MAN2A1: variants seen among roughly 807,000 people sequenced by gnomAD.
MAN2A1 encodes alpha-mannosidase 2.
A neutral mutation model predicts 142.6 loss-of-function variants in MAN2A1; 76 were observed. The observed-to-expected ratio is 0.53, with a 90% CI of 0.44 to 0.65. The LOEUF is 0.65. MAN2A1 is among the 30% of genes least tolerant of loss of function. The pLI is 0.00. For synonymous variants in MAN2A1, 559 were observed against 473.2 expected, an observed-to-expected ratio of 1.18 and a Z score of -2.35; for missense variants, 1,311 against 1,365.1, an observed-to-expected ratio of 0.96 and a Z score of 0.62.
chr5:109,848,729 C>A (rs1755404285), intron 19 of MAN2A1, among the ~76,000 whole-genome samples: 1 of 152,208 alleles, frequency 6.6e-6, no homozygotes, highest in Non-Finnish European at 1.5e-5. Flanking sequence ...ATATCCAACA[C>A]TTCCTGGGAG....
intron 20 of MAN2A1, 66 bp from the exon 21 acceptor site, chr5:109,864,970 G>T (rs1755843145): frequency 1.3e-5 from 14 of 1,055,608 alleles, no homozygotes; most frequent in Non-Finnish European, 2.1e-5. Flanking sequence ...AGAGAGTGGT[G>T]TGTGAAGTAC....
chr5:109,868,788 C>G lies in MAN2A1; in HGVS notation c.*1790C>G, dbSNP rs928571172. On this transcript the variant is annotated 3_prime_UTR_variant, in exon 22 of 22. Transcript: ENST00000261483. ...AAAAGGACTTCCTTTTTGTGGACAT[C>G]TACAGATGTTAGGGTTGCCAGAAGC... 3.3e-5 allele frequency: 5 copies of G among 152,194 alleles called. No homozygotes were observed. The highest frequency in any genetic ancestry group is 1.2e-4 in the African/African-American group (5 of 41,452). 9.4% of individuals were successfully genotyped at this position (152,194 alleles called of 1,614,324 possible).
chr5:109,815,645 C>G (rs981099907), intron 12 of MAN2A1, among the ~76,000 whole-genome samples: 2 of 152,138 alleles, frequency 1.3e-5, no homozygotes, highest in Non-Finnish European at 2.9e-5. Flanking sequence ...TATCCTCTTT[C>G]TTTTTCTTCA....
At chr5:109,707,361 A>T (rs1659937312) in intron 1 of MAN2A1, among the ~76,000 whole-genome samples, 1 of 152,168 alleles carries the variant, frequency 6.6e-6, no homozygotes, top group South Asian at 2.1e-4. Context: ...TTAGAAAAAA[A>T]TGTTACATGC....
intron 1 of MAN2A1, among the ~76,000 whole-genome samples, chr5:109,710,609 ATTC>A (rs1271270389): frequency 6.6e-6 from 1 of 152,118 alleles, no homozygotes; most frequent in Non-Finnish European, 1.5e-5. Context: ...GGTTCAAGCA[ATTC>A]TTCTGCGTCA....
chr5:109,733,738 T>G (rs888165956), intron 4 of MAN2A1, among the ~76,000 whole-genome samples: 2 of 152,196 alleles, frequency 1.3e-5, no homozygotes, highest in African/African-American at 2.4e-5. Context: ...GATAAGCTTT[T>G]TGATGTGCTG....
intron 10 of MAN2A1, among the ~76,000 whole-genome samples, chr5:109,786,027 T>C (rs2301005): frequency 0.18 from 26,662 of 151,982 alleles, 3,284 homozygotes; most frequent in East Asian, 0.64. Flanking sequence ...TTCTAGAAAT[T>C]GGGGGAAAAA....
intron 16 of MAN2A1, among the ~76,000 whole-genome samples, chr5:109,834,346 A>G (rs1755005909): frequency 6.6e-6 from 1 of 152,020 alleles, no homozygotes; most frequent in African/African-American, 2.4e-5. Flanking sequence ...TATTTTATCT[A>G]TTTTGAGGTT....
chr5:109,809,127 ATAAT>A (rs1355579770), intron 12 of MAN2A1, among the ~76,000 whole-genome samples: 1 of 152,160 alleles, frequency 6.6e-6, no homozygotes, highest in Non-Finnish European at 1.5e-5. Flanking sequence ...AGTATGAAAA[ATAAT>A]TATAATGCTG....
intron 4 of MAN2A1, among the ~76,000 whole-genome samples, chr5:109,751,251 T>C (rs1485773935): frequency 6.6e-6 from 1 of 152,068 alleles, no homozygotes; most frequent in Non-Finnish European, 1.5e-5. Flanking sequence ...ACATAGGATA[T>C]TTGTCTTTCT....
intron 1 of MAN2A1, among the ~76,000 whole-genome samples, chr5:109,707,387 C>T (rs1751163620): frequency 6.6e-6 from 1 of 151,828 alleles, no homozygotes; most frequent in African/African-American, 2.4e-5. Flanking sequence ...TTCTTTCTTT[C>T]CTTCCTTTTT....
At chr5:109,832,161 CTTTTTTTT>C (rs70999945) in intron 16 of MAN2A1, among the ~76,000 whole-genome samples, 2 of 51,218 alleles carry the variant, frequency 3.9e-5, no homozygotes, top group African/African-American at 7.5e-5. Context: ...AAGGAGTTTT[CTTTTTTTT>C]TTTTTTTTTT....
At chr5:109,844,671 G>C (rs185292797) in intron 17 of MAN2A1, among the ~76,000 whole-genome samples, 1 of 152,074 alleles carries the variant, frequency 6.6e-6, no homozygotes, top group East Asian at 1.9e-4. Context: ...AACCTTCCTT[G>C]CCCTTTCCCA....
chr5:109,800,679 A>T (rs1163935644), intron 12 of MAN2A1, among the ~76,000 whole-genome samples: 1 of 152,230 alleles, frequency 6.6e-6, no homozygotes, highest in Admixed American at 6.5e-5. Flanking sequence ...TAGAGAACAT[A>T]GGGCTGGTAA....
At chr5:109,741,496 C>T (rs533626981) in intron 4 of MAN2A1, among the ~76,000 whole-genome samples, 41 of 152,070 alleles carry the variant, frequency 2.7e-4, no homozygotes, top group Admixed American at 1.8e-3. Flanking sequence ...TAGTGTAATG[C>T]TTATGCAGTG....
intron 1 of MAN2A1, among the ~76,000 whole-genome samples, chr5:109,693,217 G>T (rs1750722446): frequency 6.6e-6 from 1 of 152,000 alleles, no homozygotes; most frequent in Admixed American, 6.6e-5. Flanking sequence ...GCTCATTTCA[G>T]AGCTAAACAT....
At chr5:109,737,661 G>T (rs1752143612) in intron 4 of MAN2A1, among the ~76,000 whole-genome samples, 2 of 151,960 alleles carry the variant, frequency 1.3e-5, no homozygotes, top group African/African-American at 4.8e-5. Flanking sequence ...TAAACCCAGG[G>T]CTCATGAAAA....
At chr5:109,760,732 A>C (rs1469889614) in intron 5 of MAN2A1, among the ~76,000 whole-genome samples, 4 of 152,102 alleles carry the variant, frequency 2.6e-5, no homozygotes, top group African/African-American at 9.7e-5. Context: ...ATGACCAGTG[A>C]TGATGAGCTT....
chr5:109,774,991 G>A (rs770170442), intron 8 of MAN2A1, 26 bp downstream of exon 8: 31 of 1,496,428 alleles, frequency 2.1e-5, no homozygotes, highest in African/African-American at 7.1e-5. Flanking sequence ...TTATGATTCC[G>A]TATTTGAAAT....
Sources: gnomAD v4.1 joint callset for allele counts (sites outside exome capture counted in the v4.1 genomes callset) on GRCh38, gnomAD v4.1.1 for gene constraint, MANE v1.5 for transcripts, NCBI Gene and HGNC (gene_info 2026-07-23, HGNC 2026-07-21) for gene names.